The following CACNA1A variants were observed in gnomAD, a reference collection of about 807,000 sequenced individuals.
CACNA1A encodes the protein calcium voltage-gated channel subunit alpha1 A.
Under a neutral mutation model 262.4 loss-of-function variants are expected in CACNA1A, and 57 were observed. The observed-to-expected ratio is 0.22, with a 90% CI of 0.18 to 0.27. The LOEUF is 0.27. Ranked by LOEUF, CACNA1A falls within the 10% of genes least tolerant of loss-of-function variation. The probability of loss-of-function intolerance (pLI) is 1.00; values close to 1 mark genes in which losing one functional copy is unlikely to be tolerated. For missense variants in CACNA1A, 2,526 were observed against 3,562.8 expected (o/e 0.71, Z 7.41); for synonymous variants, 1,431 against 1,419.3 (o/e 1.01, Z -0.18).
chr19:13,338,079 GGCCTGGTGACGGGC>G, intron 6 of CACNA1A, among the ~76,000 whole-genome samples: 1 of 152,216 alleles, frequency 6.6e-6, no homozygotes, highest in East Asian at 1.9e-4. Context: ...AAATTAGCCG[GGCCTGGTGACGGGC>G]GCCTGTAGCT....
intron 19 of CACNA1A, among the ~76,000 whole-genome samples, chr19:13,292,338 C>A (rs1052741361): frequency 1.3e-5 from 2 of 152,064 alleles, no homozygotes; most frequent in South Asian, 4.1e-4. Context: ...ATCGGCCTGG[C>A]AAGGTAGCTC....
intron 28 of CACNA1A, 28 bp from the exon 29 acceptor site, chr19:13,255,287 C>T (rs201778490): frequency 2.4e-5 from 37 of 1,554,866 alleles, no homozygotes; most frequent in South Asian, 1.1e-4. Flanking sequence ...GTGGTGAGAG[C>T]GGCAGAGGCA....
rs574203811 is a variant in CACNA1A at position 13,376,867 on chromosome 19, GATAT to G, written c.540-5092_540-5089del. ...GATATATAACACATATGTTATATGT[GATAT>G]ATATAACACATGATATATGTTATAT... On this transcript the variant is annotated intron_variant, in intron 3 of 46. Transcript: ENST00000360228. Among the ~76,000 whole-genome samples, 7 of 142,252 alleles carry G rather than the reference GATAT, an allele frequency of 4.9e-5. No individual in the cohort carries two copies. In the Admixed American group the frequency reaches 5.0e-4, roughly 10 times the overall value. 93.3% of individuals were successfully genotyped at this position (142,252 alleles called of 152,430 possible). A position where few individuals can be genotyped will look rare whatever the true frequency, so the allele number is the denominator to read the frequency against.
chr19:13,331,193 A>G (rs1261823301), intron 9 of CACNA1A, among the ~76,000 whole-genome samples: 2 of 151,944 alleles, frequency 1.3e-5, no homozygotes, highest in Non-Finnish European at 2.9e-5. Context: ...ATTTCCCTCA[A>G]ATCTCTCAGA....
intron 3 of CACNA1A, among the ~76,000 whole-genome samples, chr19:13,441,560 G>C (rs151074169): frequency 0.023 from 3,470 of 151,858 alleles, 128 homozygotes; most frequent in African/African-American, 0.078. Context: ...CCAGCTACTT[G>C]GGAGGCTGAG....
At chr19:13,287,421 T>C (rs8104916) in intron 19 of CACNA1A, among the ~76,000 whole-genome samples, 13,749 of 152,188 alleles carry the variant, frequency 0.09, 1,102 homozygotes, top group African/African-American at 0.21. Context: ...ATCCCTGCAG[T>C]GCCTGGAATT....
At chr19:13,259,927 C>T in intron 26 of CACNA1A, 1 of 514,196 alleles carries the variant, frequency 1.9e-6, no homozygotes, top group African/African-American at 1.9e-5. Flanking sequence ...CAACCTTACT[C>T]CTGGTGGGAG....
chr19:13,461,434 A>G (rs571575600), intron 1 of CACNA1A, among the ~76,000 whole-genome samples: 1 of 152,338 alleles, frequency 6.6e-6, no homozygotes, highest in South Asian at 2.1e-4. Flanking sequence ...TGCTGCCTAG[A>G]AACCCCGACT....
chr19:13,381,164 C>T (rs1048771895), intron 3 of CACNA1A, among the ~76,000 whole-genome samples: 2 of 152,020 alleles, frequency 1.3e-5, no homozygotes, highest in East Asian at 1.9e-4. Flanking sequence ...GCAGGAGGAT[C>T]GCTTGAGGCC....
chr19:13,339,015 G>A (rs1005334306), intron 6 of CACNA1A, among the ~76,000 whole-genome samples: 13 of 152,042 alleles, frequency 8.6e-5, no homozygotes, highest in Admixed American at 2.0e-4. Context: ...ACAGGCGCCC[G>A]CCACCATGCC....
intron 3 of CACNA1A, among the ~76,000 whole-genome samples, chr19:13,376,823 T>C (rs200740736): frequency 2.5e-5 from 2 of 78,680 alleles, no homozygotes; most frequent in African/African-American, 4.1e-5. Flanking sequence ...ATGTGTGATA[T>C]ATAACACATG....
intron 17 of CACNA1A, among the ~76,000 whole-genome samples, chr19:13,302,566 G>A (rs574376026): frequency 6.6e-6 from 1 of 152,340 alleles, no homozygotes; most frequent in South Asian, 2.1e-4. Context: ...TGTGGATCTG[G>A]AGAGGAATGT....
intron 3 of CACNA1A, among the ~76,000 whole-genome samples, chr19:13,384,629 G>A (rs1014595436): frequency 3.3e-5 from 5 of 152,184 alleles, no homozygotes; most frequent in African/African-American, 7.2e-5. Context: ...GAACCTGGGA[G>A]GCAGAGGTTG....
intron 3 of CACNA1A, among the ~76,000 whole-genome samples, chr19:13,406,531 A>G (rs2060014481): frequency 7.9e-6 from 1 of 126,390 alleles, no homozygotes; most frequent in South Asian, 2.8e-4. Flanking sequence ...TCTGATCCCT[A>G]ACATTAGTGG....
rs1199275549 is a variant in CACNA1A, at chr19:13,207,434, C to G, written c.7400G>C (p.Arg2467Pro). 7.9e-6 allele frequency: 12 copies of G among 1,519,784 alleles called. No homozygotes were observed. The highest frequency in any genetic ancestry group is 2.4e-5 in the South Asian group (2 of 83,906). The allele number at this position is 1,519,784 out of a possible 1,614,324, so 94.1% of individuals were successfully genotyped here. ...GCCGTTGGGGAGTCGCCGGCCGTGC[C>G]GAGAAGGCGAGGCGCAGGCCGGGCC... ...ASGPACASPS[R>P]HGRRLPNGYY... Residue 2467 changes from arginine to proline, a missense_variant, in exon 47 of 47, where the codon CGG becomes CCG. This residue lies in a region of CACNA1A where 929 missense variants were observed against 868.1 expected (regional missense o/e 1.07). Coordinates refer to ENST00000360228, the MANE Select transcript of CACNA1A (RefSeq NM_001127222.2). This position sits in a 1 kb window ranked among gnomAD's most constrained non-coding sequence, Gnocchi z 5.7.
chr19:13,442,567 GT>G (rs1280597629), intron 3 of CACNA1A, among the ~76,000 whole-genome samples: 1 of 152,190 alleles, frequency 6.6e-6, no homozygotes, highest in Non-Finnish European at 1.5e-5. Context: ...AAGAATTTAA[GT>G]TTTTTTCCTT....
chr19:13,249,903 C>T (rs1374836158), intron 30 of CACNA1A, among the ~76,000 whole-genome samples: 3 of 152,102 alleles, frequency 2.0e-5, no homozygotes, highest in Non-Finnish European at 4.4e-5. Context: ...CTGGCTGAGA[C>T]CCAGACTGTA....
intron 3 of CACNA1A, among the ~76,000 whole-genome samples, chr19:13,406,536 T>A (rs1338262124): frequency 2.3e-5 from 3 of 127,766 alleles, no homozygotes; most frequent in African/African-American, 8.6e-5. Flanking sequence ...TCCCTAACAT[T>A]AGTGGAACAG....
At chr19:13,230,287 C>A in intron 35 of CACNA1A, 78 bp from the exon 36 acceptor site, 1 of 1,524,710 alleles carries the variant, frequency 6.6e-7, no homozygotes, top group Non-Finnish European at 9.0e-7. Context: ...AGGATACAGA[C>A]AGACAGACGG....
Sources: allele counts gnomAD v4.1 joint callset (sites outside exome capture counted in the v4.1 genomes callset), GRCh38; gene constraint gnomAD v4.1.1; regional missense constraint gnomAD v4.1.1; non-coding constraint Gnocchi (gnomAD v3.1); transcripts MANE v1.5; gene names NCBI Gene and HGNC (gene_info 2026-07-23, HGNC 2026-07-21).